ATP8B4: variants seen among roughly 807,000 people sequenced by gnomAD.
ATP8B4 encodes probable phospholipid-transporting ATPase IM.
In ATP8B4, 133 loss-of-function variants were observed where a neutral mutation model predicts 145.6. The observed-to-expected ratio is 0.91, with a 90% CI of 0.79 to 1.05. The LOEUF is 1.05. ATP8B4 is among the 50% of genes least tolerant of loss of function. The pLI is 0.00. For synonymous variants in ATP8B4, 507 were observed against 492.9 expected (o/e 1.03, Z -0.38); for missense variants, 1,458 against 1,425.2 (o/e 1.02, Z -0.37).
At chr15:50,011,140 T>A (rs1433618800) in intron 6 of ATP8B4, among the ~76,000 whole-genome samples, 2 of 152,004 alleles carry the variant, frequency 1.3e-5, no homozygotes, top group Non-Finnish European at 2.9e-5. Flanking sequence ...TGGGCTAAAC[T>A]CAAATGCTAA....
intron 2 of ATP8B4, among the ~76,000 whole-genome samples, chr15:50,082,593 C>T (rs2153644084): frequency 6.6e-6 from 1 of 152,242 alleles, no homozygotes; most frequent in African/African-American, 2.4e-5. Flanking sequence ...AAATTTTTAC[C>T]AATTCATTAT....
At chr15:50,107,801 T>C (rs953538316) in intron 1 of ATP8B4, among the ~76,000 whole-genome samples, 2 of 152,058 alleles carry the variant, frequency 1.3e-5, no homozygotes, top group Non-Finnish European at 1.5e-5. Flanking sequence ...AAAGAAGAAG[T>C]TGGTCAGTCA....
chr15:49,862,084 T>C (rs28614053), intron 27 of ATP8B4, among the ~76,000 whole-genome samples, 161 bp downstream of exon 27: 1,793 of 152,348 alleles, frequency 0.012, 38 homozygotes, highest in African/African-American at 0.041. Context: ...ACATTCAAGA[T>C]GTGGGAAGTC....
Position 49,934,060 on chromosome 15 carries a change from T to C in ATP8B4, c.1410A>G (p.Leu470=). 6.2e-7 allele frequency: 1 copy of C among 1,612,652 alleles called. No homozygotes were observed. The highest frequency in any genetic ancestry group is 8.5e-7 in the Non-Finnish European group (1 of 1,179,110). ...GDPKVHEFLR[L]LALCHTVMSE... is the part of the protein sequence containing the mutation. ...ACATTACAGTGTGGCAGAGAGCAAG[T>C]AACCTAAGGAATTCATGAACTTTGG... is the stretch of plus-strand genomic sequence containing the variant. Residue 470 remains leucine (L), a synonymous_variant, in exon 15 of 28, where the codon TTA becomes TTG. Transcript: ENST00000284509.
At chr15:50,125,179 C>T (rs968069847) in intron 1 of ATP8B4, among the ~76,000 whole-genome samples, 4 of 152,094 alleles carry the variant, frequency 2.6e-5, no homozygotes, top group Non-Finnish European at 5.9e-5. Context: ...ACAATGAACC[C>T]GATCTGGATC....
At position 49,990,859 on chromosome 15, in the gene ATP8B4, C is replaced by A. The variant is rs149099503; in HGVS notation, c.590-3310G>T. The stretch of plus-strand genomic sequence containing the variant: ...CATCAATATTGCTGTTCAAGAATTT[C>A]TCTAGCCAAGAGTTTTTTTAGCGTT... On this transcript the variant is annotated intron_variant, in intron 9 of 27. Transcript: ENST00000284509. Among the ~76,000 whole-genome samples the A allele has an allele frequency of 8.5e-5, 13 of 152,266 alleles. No homozygotes were observed. The East Asian group carries it at 2.1e-3, about 25-fold the overall frequency.
intron 18 of ATP8B4, among the ~76,000 whole-genome samples, chr15:49,919,708 C>A (rs547766070): frequency 6.6e-6 from 1 of 152,152 alleles, no homozygotes; most frequent in African/African-American, 2.4e-5. Flanking sequence ...TGAGCCACCG[C>A]GCCCGGCCAC....
intron 23 of ATP8B4, among the ~76,000 whole-genome samples, chr15:49,892,394 C>A (rs1470635506): frequency 1.3e-5 from 2 of 152,014 alleles, no homozygotes; most frequent in African/African-American, 2.4e-5. Flanking sequence ...TAAACGTAAA[C>A]CCTTATTTTG....
chr15:49,860,579 C>T, intron 27 of ATP8B4, 104 bp from the exon 28 acceptor site: 1 of 1,317,500 alleles, frequency 7.6e-7, no homozygotes. Context: ...TAAGTAAAAA[C>T]AACATTGCAA....
chr15:50,138,288 G>A (rs775552617), intron 1 of ATP8B4, among the ~76,000 whole-genome samples: 3 of 151,912 alleles, frequency 2.0e-5, no homozygotes, highest in Non-Finnish European at 4.4e-5. Flanking sequence ...ACAGAGCATT[G>A]CAGGTCCAGA....
chr15:50,113,669 T>A (rs1465418381), intron 1 of ATP8B4, among the ~76,000 whole-genome samples: 1 of 151,744 alleles, frequency 6.6e-6, no homozygotes, highest in Non-Finnish European at 1.5e-5. Flanking sequence ...AAAAACTCCG[T>A]CTTTACTAAA....
At chr15:49,925,999 T>C (rs1157922240) in intron 16 of ATP8B4, among the ~76,000 whole-genome samples, 1 of 152,182 alleles carries the variant, frequency 6.6e-6, no homozygotes, top group Non-Finnish European at 1.5e-5. Context: ...CCCAATGCTT[T>C]CCATTTAAAT....
At chr15:50,020,016 G>A (rs1395524878) in intron 6 of ATP8B4, among the ~76,000 whole-genome samples, 3 of 151,828 alleles carry the variant, frequency 2.0e-5, no homozygotes, top group Non-Finnish European at 4.4e-5. Context: ...TGGAGTGCAT[G>A]GCATGATCTC....
chr15:50,058,843 G>GTT (rs140088442), intron 3 of ATP8B4, among the ~76,000 whole-genome samples: 4 of 147,738 alleles, frequency 2.7e-5, no homozygotes, highest in African/African-American at 9.9e-5. Flanking sequence ...TGGCTTTGTG[G>GTT]TTTTTTTTTT....
At chr15:50,007,842 T>G (rs1717783737) in intron 7 of ATP8B4, among the ~76,000 whole-genome samples, 2 of 152,242 alleles carry the variant, frequency 1.3e-5, no homozygotes, top group Middle Eastern at 6.8e-3. Context: ...AATGGTTTTG[T>G]AGGTGCTGAG....
chr15:49,919,441 G>A (rs963187816), intron 18 of ATP8B4, among the ~76,000 whole-genome samples: 4 of 151,956 alleles, frequency 2.6e-5, no homozygotes, highest in Admixed American at 1.3e-4. Context: ...CTTTTGAGAC[G>A]GAGTCTTGCT....
intron 3 of ATP8B4, among the ~76,000 whole-genome samples, chr15:50,067,727 T>C (rs1304834337): frequency 2.0e-5 from 3 of 152,122 alleles, no homozygotes; most frequent in African/African-American, 7.2e-5. Flanking sequence ...CTCAACACAC[T>C]GCTAGTCTAA....
At chr15:50,021,738 A>G (rs1049183065) in intron 6 of ATP8B4, among the ~76,000 whole-genome samples, 1 of 152,196 alleles carries the variant, frequency 6.6e-6, no homozygotes, top group African/African-American at 2.4e-5. Context: ...TGTGTCTTCC[A>G]CACTAGAATG....
intron 12 of ATP8B4, among the ~76,000 whole-genome samples, 183 bp from the exon 13 acceptor site, chr15:49,972,973 C>T (rs1466499711): frequency 6.6e-6 from 1 of 152,120 alleles, no homozygotes; most frequent in Non-Finnish European, 1.5e-5. Context: ...TAAACATTTC[C>T]AAGTCATTTT....
Sources: allele counts gnomAD v4.1 joint callset (sites outside exome capture counted in the v4.1 genomes callset), GRCh38; gene constraint gnomAD v4.1.1; transcripts MANE v1.5; gene names NCBI Gene and HGNC (gene_info 2026-07-23, HGNC 2026-07-21).